The following GRAMD1A variants were observed in gnomAD, a reference collection of about 807,000 sequenced individuals.
GRAMD1A encodes the protein GRAM domain containing 1A, also known as protein Aster-A.
GRAMD1A carries 50 observed loss-of-function variants against 92.0 expected under a neutral mutation model. The ratio of observed to expected loss-of-function variants is 0.54; its 90% CI spans 0.43 to 0.69. The LOEUF (loss-of-function observed/expected upper bound fraction) is 0.69, where lower values mean the gene tolerates loss of function less well. GRAMD1A is among the 30% of genes least tolerant of loss of function. GRAMD1A has a pLI of 0.00. For synonymous variants in GRAMD1A, 405 were observed against 403.6 expected, an observed-to-expected ratio of 1.00 and a Z score of -0.04; for missense variants, 819 against 978.9, an observed-to-expected ratio of 0.84 and a Z score of 2.18.
At chr19:35,025,748 G>C (rs988519834) in intron 19 of GRAMD1A, among the ~76,000 whole-genome samples, 8 of 152,244 alleles carry the variant, frequency 5.3e-5, no homozygotes, top group South Asian at 2.1e-4. Flanking sequence ...TTCAAATGAG[G>C]GGATTTTGGC....
chr19:35,014,671 TTCC>T, intron 10 of GRAMD1A: 1 of 495,032 alleles, frequency 2.0e-6, no homozygotes, highest in South Asian at 2.2e-5. Flanking sequence ...TGAGCTTGCT[TTCC>T]TCCTCTGAAA....
At chr19:35,018,269 T>C (rs770322745) in intron 11 of GRAMD1A, among the ~76,000 whole-genome samples, 1 of 152,174 alleles carries the variant, frequency 6.6e-6, no homozygotes, top group Non-Finnish European at 1.5e-5. Context: ...AGTGCTGGGA[T>C]TACAGGCGTG....
In GRAMD1A at chr19:35,021,636, T is replaced by C. The variant is rs753273892; in HGVS notation, c.1579+31T>C. The C allele has an allele frequency of 6.2e-7, 1 of 1,612,748 alleles. No homozygotes were observed. Among genetic ancestry groups the C allele is most frequent in the Non-Finnish European group, 8.5e-7 (1 of 1,178,800 alleles). On this transcript the variant is annotated intron_variant, in intron 14 of 19. Transcript: ENST00000317991. The surrounding 1 kb of genome is among the most constrained non-coding windows in gnomAD (Gnocchi z 5.3). ...GACAGAAGGCCGGCTGGGGCGTGGG[T>C]TGGGGGATGGCCTGGCCAGGTATGG...
In GRAMD1A at chr19:35,026,216, G is replaced by T; in HGVS notation, c.*75G>T. Reference sequence around the variant, plus strand: ...AGCCTCGGCGGCCACTGCTGGCACGGTGTGAGCGCCAGGCATCTCCCACCC... The same window carrying T: ...AGCCTCGGCGGCCACTGCTGGCACGTTGTGAGCGCCAGGCATCTCCCACCC... On this transcript the variant is annotated 3_prime_UTR_variant, in exon 20 of 20. Coordinates refer to ENST00000317991, the MANE Select transcript of GRAMD1A (RefSeq NM_020895.5). 3.7e-6 allele frequency: 3 copies of T among 803,206 alleles called. No homozygotes were observed. Among genetic ancestry groups the T allele is most frequent in the South Asian group, 2.8e-5 (2 of 71,506 alleles). The allele number at this position is 803,206 out of a possible 1,614,324, so 49.8% of individuals were successfully genotyped here. A position where few individuals can be genotyped will look rare whatever the true frequency, so the allele number is the denominator to read the frequency against.
chr19:35,020,657 T>TAA (rs1430118780), intron 13 of GRAMD1A, among the ~76,000 whole-genome samples: 1 of 75,736 alleles, frequency 1.3e-5, no homozygotes, highest in African/African-American at 6.3e-5. Context: ...AGACCCTGTC[T>TAA]CAAAAAAAAA....
At position 35,026,179 on chromosome 19, in the gene GRAMD1A, A is replaced by T; in HGVS notation, c.*38A>T. ...CGCAGCTGTTCCCCCACATGGACAG[A>T]TGGACACACAGAGCCTCGGCGGCCA... On this transcript the variant is annotated 3_prime_UTR_variant, in exon 20 of 20. Coordinates refer to ENST00000317991, the MANE Select transcript of GRAMD1A (RefSeq NM_020895.5). The T allele has an allele frequency of 9.6e-7, 1 of 1,042,612 alleles. No homozygotes were observed. The highest frequency in any genetic ancestry group is 1.5e-6 in the Non-Finnish European group (1 of 661,076). 64.6% of individuals were successfully genotyped at this position (1,042,612 alleles called of 1,614,324 possible).
chr19:35,016,442 C>T (rs866835100), intron 11 of GRAMD1A, among the ~76,000 whole-genome samples: 2 of 151,052 alleles, frequency 1.3e-5, no homozygotes, highest in African/African-American at 4.9e-5. Flanking sequence ...ACTAAAAATA[C>T]AAAAATCAGC....
At chr19:35,016,904 CAAA>C (rs553636601) in intron 11 of GRAMD1A, among the ~76,000 whole-genome samples, 2 of 68,438 alleles carry the variant, frequency 2.9e-5, no homozygotes, top group Admixed American at 1.8e-4. Flanking sequence ...GACTCTGTCT[CAAA>C]AAAAAAAAAA....
At chr19:35,012,713 A>G (rs1041125498) in intron 7 of GRAMD1A, among the ~76,000 whole-genome samples, 6 of 152,244 alleles carry the variant, frequency 3.9e-5, no homozygotes, top group Non-Finnish European at 7.3e-5. Context: ...CATGCCTGTA[A>G]TCCCAGCACT....
rs948089718 is a variant in GRAMD1A at position 35,015,892 on chromosome 19, G to A, written c.1138G>A (p.Ala380Thr). 13 of 1,613,882 alleles carry A rather than the reference G, an allele frequency of 8.1e-6. No individual in the cohort carries two copies. Among genetic ancestry groups the A allele is most frequent in the Admixed American group, 1.7e-5 (1 of 59,990 alleles). The change falls in exon 11 of 20, where the codon GCT becomes ACT. Residue 380 changes from alanine (A) to threonine (T), a missense_variant. Ala to Thr is a moderately conservative substitution (Grantham distance 58). Coordinates refer to ENST00000317991, the MANE Select transcript of GRAMD1A (RefSeq NM_020895.5). ...CATCAACTCTGTCTTCCATGTGGGC[G>A]CTGAGCGGCTCCAGCAGATGCTCTT... Reference protein sequence around the residue: ...LLINSVFHVGAERLQQMLFSD... With the variant: ...LLINSVFHVGTERLQQMLFSD...
intron 6 of GRAMD1A, among the ~76,000 whole-genome samples, chr19:35,011,225 T>C: frequency 6.6e-6 from 1 of 151,762 alleles, no homozygotes; most frequent in East Asian, 1.9e-4. Flanking sequence ...GAGATGCATC[T>C]GTCCCCTCCT....
chr19:34,995,570 GGTTTTTTTTTT>G (rs1355568806), upstream of GRAMD1A, among the ~76,000 whole-genome samples: 8 of 80,984 alleles, frequency 9.9e-5, 1 homozygote, highest in African/African-American at 2.9e-4. Flanking sequence ...TCAGATCACG[GGTTTTTTTTTT>G]TTTTTTTTTT....
chr19:34,998,800 C>T (rs1398192344), upstream of GRAMD1A, among the ~76,000 whole-genome samples: 4 of 133,828 alleles, frequency 3.0e-5, no homozygotes, highest in African/African-American at 1.2e-4. Context: ...AGGTAGGGCA[C>T]GGCGATAGGG....
At chr19:35,012,617 A>C (rs1306519960) in intron 7 of GRAMD1A, among the ~76,000 whole-genome samples, 2 of 151,980 alleles carry the variant, frequency 1.3e-5, no homozygotes, top group Non-Finnish European at 2.9e-5. Context: ...GACCTTGAAC[A>C]CATGACTTTC....
At chr19:35,001,672 A>G (rs2014385360) in intron 1 of GRAMD1A, among the ~76,000 whole-genome samples, 2 of 151,514 alleles carry the variant, frequency 1.3e-5, no homozygotes, top group South Asian at 4.2e-4. Flanking sequence ...CAGTGGCACG[A>G]TCTCGGCCCA....
chr19:35,010,203 C>A lies in GRAMD1A; in HGVS notation c.429+8C>A, dbSNP rs759929464. On this transcript the variant is annotated splice_region_variant and intron_variant, in intron 5 of 19. Coordinates refer to ENST00000317991, the MANE Select transcript of GRAMD1A (RefSeq NM_020895.5). ...TTCCGCTGGGAGACCACGGTGAGCC[C>A]GCAGCGGGGCAGGGTACAGGGGCGG... The A allele has an allele frequency of 6.2e-7, 1 of 1,605,772 alleles. No homozygotes were observed. Among genetic ancestry groups the A allele is most frequent in the East Asian group, 2.2e-5 (1 of 44,840 alleles).
chr19:35,019,379 C>T lies in GRAMD1A; in HGVS notation c.1333-12C>T. 1.9e-6 allele frequency: 3 copies of T among 1,613,694 alleles called. No homozygotes were observed. The highest frequency in any genetic ancestry group is 2.5e-6 in the Non-Finnish European group (3 of 1,179,894). On this transcript the variant is annotated splice_polypyrimidine_tract_variant and intron_variant, in intron 12 of 19. Coordinates refer to ENST00000317991, the MANE Select transcript of GRAMD1A (RefSeq NM_020895.5). ...TGGGGTGGCCCTGACTTCTCCGGCT[C>T]TGTCCCTGCAGACGCTGTTCCGGCG...
At chr19:35,022,174 A>C (rs563809600) in intron 16 of GRAMD1A, 136 bp downstream of exon 16, 5 of 629,250 alleles carry the variant, frequency 7.9e-6, no homozygotes, top group South Asian at 7.9e-5. Flanking sequence ...AGGATTAGAC[A>C]AGGCAATGTT....
chr19:34,998,429 G>C (rs1418279546), upstream of GRAMD1A: 1 of 149,420 alleles, frequency 6.7e-6, no homozygotes, highest in Non-Finnish European at 1.5e-5. Context: ...TCAGCTTCCT[G>C]GGTAGCTGGG....
Sources: gnomAD v4.1 joint callset for allele counts (sites outside exome capture counted in the v4.1 genomes callset) on GRCh38, gnomAD v4.1.1 for gene constraint, Gnocchi (gnomAD v3.1) non-coding constraint, MANE v1.5 for transcripts, NCBI Gene and HGNC (gene_info 2026-07-23, HGNC 2026-07-21) for gene names.